Variants in CDH4 observed in about 807,000 individuals in gnomAD.
The protein encoded by CDH4 is cadherin 4.
Under a neutral mutation model 86.0 loss-of-function variants are expected in CDH4, and 33 were observed. The ratio of observed to expected loss-of-function variants is 0.38; its 90% CI spans 0.29 to 0.51. The LOEUF (loss-of-function observed/expected upper bound fraction) is 0.51. CDH4 is among the 20% of genes least tolerant of loss of function. CDH4 has a pLI of 0.86. For synonymous variants in CDH4, 555 were observed against 549.4 expected, an observed-to-expected ratio of 1.01 and a Z score of -0.14; for missense variants, 1,114 against 1,307.4, an observed-to-expected ratio of 0.85 and a Z score of 2.28.
intron 2 of CDH4, among the ~76,000 whole-genome samples, chr20:61,286,356 G>A (rs538665164): frequency 8.4e-4 from 128 of 152,324 alleles, no homozygotes; most frequent in African/African-American, 2.9e-3. Context: ...ATATGGACTT[G>A]AGGACCCACT....
chr20:61,370,819 T>A (rs1348894374), intron 2 of CDH4: 2 of 152,176 alleles, frequency 1.3e-5, no homozygotes, highest in Non-Finnish European at 2.9e-5. Context: ...AGAGCTGAGT[T>A]GGGACTTAAT....
In CDH4 at chr20:61,510,965, G is replaced by A. The variant is rs1466988635; in HGVS notation, c.170-232598G>A. Among the ~76,000 whole-genome samples, 1 of 151,736 alleles carries A rather than the reference G, an allele frequency of 6.6e-6. No individual in the cohort carries two copies. The highest frequency in any genetic ancestry group is 2.1e-4 in the South Asian group (1 of 4,802). On this transcript the variant is annotated intron_variant, in intron 2 of 15. Coordinates refer to ENST00000614565, the MANE Select transcript of CDH4 (RefSeq NM_001794.5). This position sits in a 1 kb window ranked among gnomAD's most constrained non-coding sequence, Gnocchi z 4.2. ...AGTGAGAGAGAGAGAGAAAGTTGGG[G>A]GCGGCTGTCTCACACTTTTTAATAA...
intron 2 of CDH4, among the ~76,000 whole-genome samples, chr20:61,726,611 C>A (rs2088114434): frequency 6.6e-6 from 1 of 151,832 alleles, no homozygotes; most frequent in African/African-American, 2.4e-5. Flanking sequence ...GCCATCATCA[C>A]CATCACTGCC....
chr20:61,787,000 C>T (rs556165399), intron 4 of CDH4, among the ~76,000 whole-genome samples: 51 of 152,336 alleles, frequency 3.3e-4, no homozygotes, highest in African/African-American at 1.2e-3. Context: ...AGATGTCCTT[C>T]ATTCTTCAGT....
intron 4 of CDH4, among the ~76,000 whole-genome samples, chr20:61,818,698 A>AG (rs1980861838): frequency 1.3e-5 from 2 of 151,394 alleles, no homozygotes; most frequent in South Asian, 4.2e-4. Context: ...TTTAAAAAAA[A>AG]AAAAAAAGCG....
At chr20:61,718,580 G>A (rs186811387) in intron 2 of CDH4, 40 of 346,824 alleles carry the variant, frequency 1.2e-4, no homozygotes, top group Non-Finnish European at 2.0e-4. Context: ...CACCTGCACA[G>A]GCTCACAGGG....
intron 2 of CDH4, among the ~76,000 whole-genome samples, chr20:61,522,096 A>C (rs975313575): frequency 3.3e-5 from 5 of 152,172 alleles, no homozygotes; most frequent in African/African-American, 1.2e-4. Context: ...CCTTCTCCTG[A>C]ATTCCCACCT....
intron 2 of CDH4, among the ~76,000 whole-genome samples, chr20:61,716,992 G>A (rs988048639): frequency 2.2e-4 from 33 of 152,174 alleles, no homozygotes; most frequent in African/African-American, 7.2e-4. Context: ...TCTTGGGCAG[G>A]CATTCACCAG....
intron 2 of CDH4, among the ~76,000 whole-genome samples, chr20:61,414,238 G>A (rs2085134957): frequency 2.0e-5 from 3 of 152,260 alleles, no homozygotes; most frequent in Admixed American, 6.5e-5. Flanking sequence ...ATGTAACGTG[G>A]GTTTCCCAGC....
At position 61,807,994 on chromosome 20, in the gene CDH4, C is replaced by T. The variant is rs1980230015; in HGVS notation, c.576+34812C>T. Among the ~76,000 whole-genome samples, 1 of 152,336 alleles carries T rather than the reference C, an allele frequency of 6.6e-6. No homozygotes were observed. Among genetic ancestry groups the T allele is most frequent in the Non-Finnish European group, 1.5e-5 (1 of 68,034 alleles). ...AGCAGCGATGAGCCCACACACGTCT[C>T]CAGCCCTGACAATGAACCAGTAATC... On this transcript the variant is annotated intron_variant, in intron 4 of 15. Coordinates refer to ENST00000614565, the MANE Select transcript of CDH4 (RefSeq NM_001794.5). The surrounding 1 kb of genome is among the most constrained non-coding windows in gnomAD (Gnocchi z 4.5).
intron 2 of CDH4, among the ~76,000 whole-genome samples, chr20:61,492,951 G>A (rs2085636524): frequency 6.6e-6 from 1 of 152,204 alleles, no homozygotes; most frequent in Non-Finnish European, 1.5e-5. Context: ...GGAGGTGGAT[G>A]GAGAATCATT....
chr20:61,801,738 C>T (rs774263505), intron 4 of CDH4, among the ~76,000 whole-genome samples: 48 of 152,350 alleles, frequency 3.2e-4, no homozygotes, highest in Non-Finnish European at 4.9e-4. Flanking sequence ...GGCAGCAGCA[C>T]AGCCTCCTCC....
At chr20:61,463,973 G>T (rs1010957717) in intron 2 of CDH4, among the ~76,000 whole-genome samples, 2 of 152,180 alleles carry the variant, frequency 1.3e-5, no homozygotes, top group African/African-American at 4.8e-5. Context: ...GACAAAGGAA[G>T]GGTTTGAACT....
chr20:61,262,950 G>A (rs2084135963), intron 2 of CDH4, among the ~76,000 whole-genome samples: 1 of 125,894 alleles, frequency 7.9e-6, no homozygotes, highest in African/African-American at 2.7e-5. Context: ...TAGATGCCAG[G>A]ACTAATCATG....
intron 2 of CDH4, chr20:61,719,822 C>G (rs1027714233): frequency 6.6e-6 from 1 of 152,174 alleles, no homozygotes; most frequent in East Asian, 1.9e-4. Context: ...GTTTCTGTTT[C>G]GCTTGTAATT....
intron 4 of CDH4, among the ~76,000 whole-genome samples, chr20:61,803,750 C>T (rs567538177): frequency 7.2e-5 from 11 of 152,332 alleles, no homozygotes; most frequent in South Asian, 2.1e-4. Flanking sequence ...GCAAATCACT[C>T]GATGTTTATA....
At chr20:61,313,786 G>T (rs1266864637) in intron 2 of CDH4, among the ~76,000 whole-genome samples, 2 of 152,196 alleles carry the variant, frequency 1.3e-5, no homozygotes, top group Non-Finnish European at 2.9e-5. Context: ...ACCCAGGCTG[G>T]AGTGCAGTGG....
At chr20:61,499,433 C>A in intron 2 of CDH4, 2 of 1,288,530 alleles carry the variant, frequency 1.6e-6, no homozygotes, top group Non-Finnish European at 2.0e-6. Flanking sequence ...AACAAGGATT[C>A]GATGAACGGC....
At position 61,773,037 on chromosome 20, in the gene CDH4, C is replaced by T; in HGVS notation, c.431C>T (p.Pro144Leu). ...GGAAAGAAGGTCGTGGCTCTGGACC[C>T]CTCTCCGCCTCCGAAGGACACCCTG... The part of the protein sequence containing the change: ...QKGKKVVALD[P>L]SPPPKDTLLP... The change falls in exon 4 of 16, where the codon CCC becomes CTC. Residue 144 changes from proline (P) to leucine (L), a missense_variant. Physicochemically the swap from Pro to Leu is moderately conservative, Grantham distance 98. Around this residue, in one of 3 missense-constraint regions of CDH4, gnomAD observed 221 missense variants for 209.5 expected, o/e 1.05. Coordinates refer to ENST00000614565, the MANE Select transcript of CDH4 (RefSeq NM_001794.5). 3.1e-6 allele frequency: 5 copies of T among 1,613,576 alleles called. No individual in the cohort carries two copies. The highest frequency in any genetic ancestry group is 4.2e-6 in the Non-Finnish European group (5 of 1,179,696).
Sources: allele counts gnomAD v4.1 joint callset (sites outside exome capture counted in the v4.1 genomes callset), GRCh38; gene constraint gnomAD v4.1.1; regional missense constraint gnomAD v4.1.1; non-coding constraint Gnocchi (gnomAD v3.1); transcripts MANE v1.5; gene names NCBI Gene and HGNC (gene_info 2026-07-23, HGNC 2026-07-21).